Variants in MDN1 observed in about 807,000 individuals in gnomAD.
MDN1 encodes the protein midasin.
In MDN1, 266 loss-of-function variants were observed where a neutral mutation model predicts 669.2. The observed-to-expected ratio is 0.40, with a 90% CI of 0.36 to 0.44. MDN1 has a LOEUF of 0.44. MDN1 is among the 20% of genes least tolerant of loss of function. The pLI is 1.00. For synonymous variants in MDN1, 2,385 were observed against 2,457.1 expected (o/e 0.97, Z 0.87); for missense variants, 5,940 against 6,754.0 (o/e 0.88, Z 4.22).
In MDN1 at chr6:89,745,319, T is replaced by C; in HGVS notation, c.4132A>G (p.Arg1378Gly). Residue 1378 changes from arginine to glycine, a missense_variant, in exon 29 of 102, where the codon AGG becomes GGG. Coordinates refer to ENST00000369393, the MANE Select transcript of MDN1 (RefSeq NM_014611.3). Reference sequence around the variant, plus strand: ...ACAGGTTCACCAAATTCCAATGCCCTTCCCACTAGCATCGCGAGTCTCCGC... The same window carrying C: ...ACAGGTTCACCAAATTCCAATGCCCCTCCCACTAGCATCGCGAGTCTCCGC... Reference protein sequence around the residue: ...GMRRLAMLVGRALEFGEPVLL... With the variant: ...GMRRLAMLVGGALEFGEPVLL... 2 of 1,613,912 alleles carry C rather than the reference T, an allele frequency of 1.2e-6. No individual in the cohort carries two copies. The highest frequency in any genetic ancestry group is 1.7e-6 in the Non-Finnish European group (2 of 1,179,894).
chr6:89,742,823 C>T (rs1584300161), intron 31 of MDN1, among the ~76,000 whole-genome samples: 2 of 152,038 alleles, frequency 1.3e-5, no homozygotes, highest in Non-Finnish European at 2.9e-5. Context: ...TACCATTCCA[C>T]GATCCCATTG....
intron 69 of MDN1, 104 bp from the exon 70 acceptor site, chr6:89,686,077 A>C: frequency 9.1e-7 from 1 of 1,102,502 alleles, no homozygotes; most frequent in Non-Finnish European, 1.3e-6. Context: ...GCCAAGAGGT[A>C]GACATCACAA....
intron 73 of MDN1, 24 bp from the exon 74 acceptor site, chr6:89,680,775 C>T: frequency 1.2e-6 from 2 of 1,606,964 alleles, no homozygotes; most frequent in Non-Finnish European, 1.7e-6. Context: ...GACAGGTTAG[C>T]CTCACTGCCA....
At chr6:89,771,433 T>A in intron 15 of MDN1, 128 bp downstream of exon 15, 1 of 774,790 alleles carries the variant, frequency 1.3e-6, no homozygotes, top group Non-Finnish European at 2.1e-6. Flanking sequence ...TAAAGCCTTA[T>A]CTGAGAAAAC....
chr6:89,717,363 G>A (rs1029835998), intron 43 of MDN1, among the ~76,000 whole-genome samples: 2 of 152,176 alleles, frequency 1.3e-5, no homozygotes, highest in Non-Finnish European at 2.9e-5. Flanking sequence ...AGATGAGGGA[G>A]TAACGAGGTT....
intron 1 of MDN1, chr6:89,815,533 AGGAGCCCAG>A: frequency 4.0e-6 from 1 of 250,024 alleles, no homozygotes; most frequent in South Asian, 3.9e-5. Flanking sequence ...CTGACTAGCA[AGGAGCCCAG>A]AGCCCCCCTG....
In MDN1 at chr6:89,743,138, T is replaced by C. The variant is rs1324175930; in HGVS notation, c.4448+12A>G. ...AAATATCAAACACAAGGCAAACCTC[T>C]CAGGCACGTACCTGTTGAGTCTTTC... is the stretch of plus-strand genomic sequence containing the variant. On this transcript the variant is annotated intron_variant, in intron 31 of 101. Coordinates refer to ENST00000369393, the MANE Select transcript of MDN1 (RefSeq NM_014611.3). 3 of 1,611,562 alleles carry C rather than the reference T, an allele frequency of 1.9e-6. No individual in the cohort carries two copies. The African/African-American group carries it at 4.0e-5, about 22-fold the overall frequency.
At chr6:89,704,465 T>A (rs1813390316) in intron 53 of MDN1, among the ~76,000 whole-genome samples, 1 of 152,258 alleles carries the variant, frequency 6.6e-6, no homozygotes, top group South Asian at 2.1e-4. Flanking sequence ...CAAGTGTGAC[T>A]TTTTACTTAT....
intron 37 of MDN1, 53 bp downstream of exon 37, chr6:89,727,780 C>A: frequency 1.9e-6 from 3 of 1,612,968 alleles, no homozygotes; most frequent in Non-Finnish European, 1.7e-6. Context: ...GAAAGGATGA[C>A]TGCTCCTCAC....
chr6:89,695,842 C>A lies in MDN1; in HGVS notation c.9534G>T (p.Gln3178His), dbSNP rs1812701104. The A allele has an allele frequency of 6.2e-7, 1 of 1,613,854 alleles. No homozygotes were observed. Among genetic ancestry groups the A allele is most frequent in the Admixed American group, 1.7e-5 (1 of 60,032 alleles). ...GSSQAFQHVG[Q>H]TLGDMAGQEV... ...CCTGACCAGCCATGTCCCCAAGTGT[C>A]TGGCCCACATGCTGGAAGGCCTGGC... is the stretch of plus-strand genomic sequence containing the variant. The change falls in exon 61 of 102, where the codon CAG becomes CAT. Residue 3178 changes from glutamine to histidine, a missense_variant. Gln to His is a conservative substitution (Grantham distance 24). Around this residue, in one of 5 missense-constraint regions of MDN1, gnomAD observed 2,292 missense variants for 2,638.3 expected, o/e 0.87. Coordinates refer to ENST00000369393, the MANE Select transcript of MDN1 (RefSeq NM_014611.3). This position sits in a 1 kb window ranked among gnomAD's most constrained non-coding sequence, Gnocchi z 4.1.
chr6:89,817,763 C>A (rs1001814832), intron 1 of MDN1, among the ~76,000 whole-genome samples: 1 of 152,218 alleles, frequency 6.6e-6, no homozygotes, highest in African/African-American at 2.4e-5. Flanking sequence ...AATAGCAAGC[C>A]CTGAGCAGAA....
At chr6:89,757,066 T>A (rs1204898309) in intron 19 of MDN1, among the ~76,000 whole-genome samples, 1 of 152,158 alleles carries the variant, frequency 6.6e-6, no homozygotes. Flanking sequence ...AGAAAACAAC[T>A]ACTTTAATGT....
intron 2 of MDN1, among the ~76,000 whole-genome samples, chr6:89,798,244 T>C (rs1215227074): frequency 2.0e-5 from 3 of 150,562 alleles, no homozygotes; most frequent in African/African-American, 7.3e-5. Context: ...CCAGGCGCAG[T>C]GGCTCACGCC....
At chr6:89,701,765 CTTTCT>C (rs1273646442) in intron 54 of MDN1, 87 bp from the exon 55 acceptor site, 66 of 1,532,444 alleles carry the variant, frequency 4.3e-5, no homozygotes, top group African/African-American at 1.7e-4. Flanking sequence ...TTCTTTCTTT[CTTTCT>C]TTTAATTGTA....
chr6:89,688,831 A>C (rs1275315580), intron 65 of MDN1, 23 bp from the exon 66 acceptor site: 1 of 1,583,956 alleles, frequency 6.3e-7, no homozygotes, highest in East Asian at 2.2e-5. Context: ...CATCACGGTA[A>C]AGTCAGTGAA....
chr6:89,756,201 ATT>A (rs899300279), intron 20 of MDN1, 74 bp downstream of exon 20: 6 of 630,858 alleles, frequency 9.5e-6, no homozygotes. Flanking sequence ...AAGAATACAT[ATT>A]TGTGTGTGTG....
intron 20 of MDN1, among the ~76,000 whole-genome samples, 178 bp downstream of exon 20, chr6:89,756,099 G>A (rs895039971): frequency 1.9e-4 from 29 of 152,112 alleles, no homozygotes; most frequent in African/African-American, 7.0e-4. Context: ...AATTTCCTTA[G>A]AAAAACCTAA....
intron 95 of MDN1, among the ~76,000 whole-genome samples, chr6:89,651,565 G>A (rs1027381619): frequency 4.0e-5 from 6 of 151,800 alleles, no homozygotes; most frequent in Non-Finnish European, 5.9e-5. Context: ...GCAGTGAGCC[G>A]AGATTGCGCC....
intron 17 of MDN1, among the ~76,000 whole-genome samples, chr6:89,760,756 A>G (rs1463904797): frequency 6.6e-6 from 1 of 152,234 alleles, no homozygotes; most frequent in East Asian, 1.9e-4. Flanking sequence ...AAAGACAAGT[A>G]TTGCATGTTC....
Sources: gnomAD v4.1 joint callset for allele counts (sites outside exome capture counted in the v4.1 genomes callset) on GRCh38, gnomAD v4.1.1 for gene constraint, gnomAD v4.1.1 regional missense constraint, Gnocchi (gnomAD v3.1) non-coding constraint, MANE v1.5 for transcripts, NCBI Gene and HGNC (gene_info 2026-07-23, HGNC 2026-07-21) for gene names.